CHM: variants seen among roughly 807,000 people sequenced by gnomAD.
CHM encodes CHM Rab escort protein.
A neutral mutation model predicts 49.0 loss-of-function variants in CHM; 10 were observed. The ratio of observed to expected loss-of-function variants is 0.20; its 90% confidence interval spans 0.13 to 0.35. The LOEUF is 0.35. Ranked by LOEUF, CHM falls within the 10% of genes least tolerant of loss-of-function variation. The pLI is 1.00. For synonymous variants in CHM, 184 were observed against 167.5 expected, an observed-to-expected ratio of 1.10 and a Z score of -0.76; for missense variants, 455 against 478.4, an observed-to-expected ratio of 0.95 and a Z score of 0.46.
intron 2 of CHM, among the ~76,000 whole-genome samples, chrX:86,006,892 A>C (rs1404393804): frequency 1.8e-5 from 2 of 112,038 alleles, no homozygotes; most frequent in Non-Finnish European, 3.8e-5. Context: ...CTTTCTTCAC[A>C]GAATTGGAAA....
chrX:85,900,129 GT>G (rs955090836), intron 11 of CHM, among the ~76,000 whole-genome samples: 3 of 111,630 alleles, frequency 2.7e-5, no homozygotes, highest in Non-Finnish European at 5.7e-5. Context: ...GGAAGAATGG[GT>G]TTTTTAAAAA....
At chrX:85,904,698 C>T (rs1352392597) in intron 9 of CHM, among the ~76,000 whole-genome samples, 1 of 111,673 alleles carries the variant, frequency 9.0e-6, no homozygotes, top group Non-Finnish European at 1.9e-5. Context: ...TCAAATGCTA[C>T]CTCATCCATA....
chrX:85,872,917 A>T, intron 14 of CHM, 135 bp downstream of exon 14: 1 of 531,227 alleles, frequency 1.9e-6, no homozygotes, highest in Non-Finnish European at 3.0e-6. Context: ...GGTCATAGAA[A>T]AAACTTTTAG....
intron 1 of CHM, among the ~76,000 whole-genome samples, chrX:86,037,047 TATAA>T (rs1183071679): frequency 3.6e-5 from 4 of 110,096 alleles, no homozygotes; most frequent in Non-Finnish European, 5.7e-5. Flanking sequence ...GTTAAATAAA[TATAA>T]ATGTTTGCTG....
At chrX:86,011,409 A>G (rs2147767558) in intron 2 of CHM, among the ~76,000 whole-genome samples, 1 of 111,678 alleles carries the variant, frequency 9.0e-6, no homozygotes, top group African/African-American at 3.3e-5. Context: ...ATATATATTC[A>G]GACAGCAAGG....
At position 85,894,484 on chromosome X, in the gene CHM, A is replaced by G. The variant is rs1316392138; in HGVS notation, c.1414-200T>C. 2.7e-5 allele frequency among the ~76,000 whole-genome samples: 3 copies of G among 111,666 alleles called. No homozygotes were observed. In the East Asian group the frequency reaches 8.4e-4, roughly 31 times the overall value. ...ATTTTCATAATTCTCATAGATAATA[A>G]CTTTTAAATATCTTTAATATTTATT... On this transcript the variant is annotated intron_variant, in intron 11 of 14. Transcript: ENST00000357749.
intron 8 of CHM, among the ~76,000 whole-genome samples, chrX:85,944,919 G>C: frequency 9.0e-6 from 1 of 111,297 alleles, no homozygotes; most frequent in African/African-American, 3.3e-5. Flanking sequence ...GGAAAACGTG[G>C]TACATCTACA....
At chrX:85,988,442 C>A (rs917305653) in intron 2 of CHM, among the ~76,000 whole-genome samples, 5 of 111,700 alleles carry the variant, frequency 4.5e-5, no homozygotes, top group African/African-American at 6.5e-5. Flanking sequence ...AAAACTGGCA[C>A]AAGACAAGAA....
At chrX:86,025,128 G>A (rs921730889) in intron 2 of CHM, among the ~76,000 whole-genome samples, 1 of 111,294 alleles carries the variant, frequency 9.0e-6, no homozygotes, top group Non-Finnish European at 1.9e-5. Flanking sequence ...TCAATACCTA[G>A]ATGTATCTAA....
At position 85,932,641 on chromosome X, in the gene CHM, C is replaced by T. The variant is rs775293993; in HGVS notation, c.1167-21303G>A. On this transcript the variant is annotated intron_variant, in intron 8 of 14. Transcript: ENST00000357749. ...GCCTTAGTTTGCAGACCTTAAAGAGCCCATTTCAAACATTAAAACTTTCAT... is the reference window on the plus strand; with the variant it reads ...GCCTTAGTTTGCAGACCTTAAAGAGTCCATTTCAAACATTAAAACTTTCAT... Among the ~76,000 whole-genome samples, 4 of 111,894 alleles carry T rather than the reference C, an allele frequency of 3.6e-5. 1 individual carries two copies. The highest frequency in any genetic ancestry group is 1.3e-4 in the African/African-American group (4 of 30,826).
At chrX:85,895,142 T>G (rs866768874) in intron 11 of CHM, among the ~76,000 whole-genome samples, 27 of 99,741 alleles carry the variant, frequency 2.7e-4, no homozygotes, top group Non-Finnish European at 5.0e-4. Flanking sequence ...TTTTGTTTTT[T>G]TTTTTTTTTT....
chrX:86,011,354 C>A (rs989468243), intron 2 of CHM, among the ~76,000 whole-genome samples: 1 of 111,090 alleles, frequency 9.0e-6, no homozygotes, highest in Non-Finnish European at 1.9e-5. Context: ...GAATTGTTCA[C>A]GTACAATGGG....
At chrX:85,952,365 G>C (rs1929791229) in intron 8 of CHM, among the ~76,000 whole-genome samples, 1 of 110,567 alleles carries the variant, frequency 9.0e-6, no homozygotes, top group Non-Finnish European at 1.9e-5. Context: ...TTTCATCTTG[G>C]ATAGCAGCTC....
At chrX:85,883,969 A>G (rs1924919851) in intron 12 of CHM, among the ~76,000 whole-genome samples, 1 of 111,140 alleles carries the variant, frequency 9.0e-6, no homozygotes, top group African/African-American at 3.3e-5. Flanking sequence ...GAACATGAAA[A>G]TGAATGTCGA....
chrX:85,883,073 C>T (rs1423922413), intron 12 of CHM, among the ~76,000 whole-genome samples: 7 of 111,400 alleles, frequency 6.3e-5, no homozygotes, highest in African/African-American at 9.8e-5. Context: ...TAAATCAAAA[C>T]GGATGGCATT....
chrX:85,958,932 T>C lies in CHM; in HGVS notation c.748A>G (p.Asn250Asp). Reference sequence around the variant, plus strand: ...TTAAACTCTGCATATCGACTAACATTAGATTTGATTAGAAGATCAATTAGT... The same window carrying C: ...TTAAACTCTGCATATCGACTAACATCAGATTTGATTAGAAGATCAATTAGT... ...GLLIDLLIKS[N>D]VSRYAEFKNI... Residue 250 changes from asparagine (N) to aspartate (D), a missense_variant, in exon 6 of 15, where the codon AAT (asparagine) becomes GAT (aspartate). Transcript: ENST00000357749. The C allele has an allele frequency of 8.3e-7, 1 of 1,210,941 alleles. No individual in the cohort carries two copies.
In CHM at chrX:86,016,193, G is replaced by C. The variant is rs757813388; in HGVS notation, c.116+11298C>G. Among the ~76,000 whole-genome samples, 6 of 111,249 alleles carry C rather than the reference G, an allele frequency of 5.4e-5. No individual in the cohort carries two copies. In the East Asian group the frequency reaches 1.4e-3, roughly 26 times the overall value. On this transcript the variant is annotated intron_variant, in intron 2 of 14. Coordinates refer to ENST00000357749, the MANE Select transcript of CHM (RefSeq NM_000390.4). The stretch of plus-strand genomic sequence containing the variant: ...CCGTTAAAGGCATTCAGTTTTATAA[G>C]GGAAGCAGGGCATAAAAGTTCAGAA...
chrX:85,928,766 C>T (rs1407648141), intron 8 of CHM, among the ~76,000 whole-genome samples: 1 of 111,176 alleles, frequency 9.0e-6, no homozygotes, highest in Non-Finnish European at 1.9e-5. Flanking sequence ...GACAAGAGGC[C>T]ATTTCTGCCC....
chrX:85,869,783 C>T lies in CHM; in HGVS notation c.1770+3269G>A, dbSNP rs1422276505. On this transcript the variant is annotated intron_variant, in intron 14 of 14. Transcript: ENST00000357749. ...TAGTTGATTGGCAACTTTTCATCCTCTTCACCTTTTTTAAGCCAGAAGTTA... is the reference window on the plus strand; with the variant it reads ...TAGTTGATTGGCAACTTTTCATCCTTTTCACCTTTTTTAAGCCAGAAGTTA... 7.1e-5 allele frequency among the ~76,000 whole-genome samples: 8 copies of T among 112,057 alleles called. No individual in the cohort carries two copies. In the Admixed American group the frequency reaches 7.6e-4, roughly 11 times the overall value.
Sources: allele counts gnomAD v4.1 joint callset (sites outside exome capture counted in the v4.1 genomes callset), GRCh38; gene constraint gnomAD v4.1.1; transcripts MANE v1.5; gene names NCBI Gene and HGNC (gene_info 2026-07-23, HGNC 2026-07-21).